Variants in DPY19L4 observed in about 807,000 individuals in gnomAD.
DPY19L4 encodes probable C-mannosyltransferase DPY19L4.
DPY19L4 carries 97 observed loss-of-function variants against 102.8 expected under a neutral mutation model. The observed-to-expected ratio is 0.94, with a 90% CI of 0.80 to 1.12. DPY19L4 has a LOEUF of 1.12. Ranked by LOEUF, DPY19L4 falls within the 50% of genes most tolerant of loss-of-function variation. DPY19L4 has a pLI of 0.00. For synonymous variants in DPY19L4, 252 were observed against 283.1 expected (o/e 0.89, Z 1.10); for missense variants, 815 against 850.4 (o/e 0.96, Z 0.52).
intron 6 of DPY19L4, chr8:94,745,187 A>G (rs1266144085): frequency 6.5e-6 from 1 of 153,086 alleles, no homozygotes; most frequent in African/African-American, 2.4e-5. Flanking sequence ...TAAAAGGTGT[A>G]GGTATACTAG....
chr8:94,773,525 A>C lies in DPY19L4; in HGVS notation c.1454+2954A>C, dbSNP rs550256552. Among the ~76,000 whole-genome samples, 7 of 151,962 alleles carry C rather than the reference A, an allele frequency of 4.6e-5. No individual in the cohort carries two copies. The South Asian group carries it at 1.5e-3, about 32-fold the overall frequency. ...TGGCTCACTGCAACCTCTGCCTCCC[A>C]GTTCAAGCGATTCTCCTGCCTCAGC... On this transcript the variant is annotated intron_variant, in intron 13 of 18. Transcript: ENST00000414645.
chr8:94,757,795 T>C (rs1433571044), intron 7 of DPY19L4, among the ~76,000 whole-genome samples: 1 of 152,176 alleles, frequency 6.6e-6, no homozygotes, highest in African/African-American at 2.4e-5. Flanking sequence ...AGAATAGTTT[T>C]TCAATTGTTA....
intron 2 of DPY19L4, among the ~76,000 whole-genome samples, chr8:94,732,378 T>A (rs1328061200): frequency 6.6e-6 from 1 of 152,114 alleles, no homozygotes; most frequent in Non-Finnish European, 1.5e-5. Flanking sequence ...AATCCAAATG[T>A]GTCTTATGTT....
intron 6 of DPY19L4, among the ~76,000 whole-genome samples, chr8:94,744,013 AT>A (rs1177533732): frequency 6.6e-6 from 1 of 152,228 alleles, no homozygotes; most frequent in Non-Finnish European, 1.5e-5. Context: ...TTCAAAATAA[AT>A]AAAAATAAAA....
chr8:94,784,786 C>G (rs1437899555), intron 17 of DPY19L4, among the ~76,000 whole-genome samples: 1 of 152,134 alleles, frequency 6.6e-6, no homozygotes, highest in Non-Finnish European at 1.5e-5. Context: ...TACATTTTGT[C>G]TTTCTCAGCT....
At chr8:94,779,031 C>T (rs972454975) in intron 14 of DPY19L4, among the ~76,000 whole-genome samples, 3 of 152,084 alleles carry the variant, frequency 2.0e-5, no homozygotes. Context: ...GTCAGACTTA[C>T]ATTTTCTATT....
intron 12 of DPY19L4, among the ~76,000 whole-genome samples, chr8:94,769,349 AC>A (rs1237880976): frequency 2.0e-5 from 3 of 152,176 alleles, no homozygotes; most frequent in Non-Finnish European, 4.4e-5. Flanking sequence ...GGTGTGAGCC[AC>A]CATGCTCAGC....
At chr8:94,749,588 G>A (rs1811830018) in intron 6 of DPY19L4, among the ~76,000 whole-genome samples, 1 of 152,118 alleles carries the variant, frequency 6.6e-6, no homozygotes, top group Non-Finnish European at 1.5e-5. Context: ...TAGGGAGAAG[G>A]GAAAGAGGAC....
intron 6 of DPY19L4, among the ~76,000 whole-genome samples, chr8:94,752,400 A>G (rs532627254): frequency 6.6e-6 from 1 of 151,938 alleles, no homozygotes; most frequent in African/African-American, 2.4e-5. Context: ...ATCCTGGCCA[A>G]CATGGTGAAA....
chr8:94,732,050 C>T (rs998054338), intron 2 of DPY19L4, among the ~76,000 whole-genome samples: 1 of 152,060 alleles, frequency 6.6e-6, no homozygotes, highest in African/African-American at 2.4e-5. Context: ...GGATTACAGG[C>T]GTGAGCCACC....
Position 94,781,146 on chromosome 8 carries a change from G to A in DPY19L4, c.1695G>A (p.Val565=). The A allele has an allele frequency of 1.3e-6, 2 of 1,592,744 alleles. No homozygotes were observed. Among genetic ancestry groups the A allele is most frequent in the Non-Finnish European group, 1.7e-6 (2 of 1,174,084 alleles). Residue 565 remains valine (V), a synonymous_variant, in exon 16 of 19, where the codon GTG becomes GTA. Transcript: ENST00000414645. ...ELQEFYDPDT[V]ELMTWIKRQA... ...AGGAATTCTATGACCCAGATACAGT[G>A]GAACTTATGACCTGGATAAAGTAAG...
intron 13 of DPY19L4, among the ~76,000 whole-genome samples, chr8:94,774,174 G>A (rs1019613043): frequency 4.6e-5 from 7 of 151,502 alleles, no homozygotes; most frequent in Admixed American, 2.7e-4. Flanking sequence ...CTTCCAACTA[G>A]TTGGGACCAC....
intron 18 of DPY19L4, 125 bp from the exon 19 acceptor site, chr8:94,789,621 T>C: frequency 1.2e-6 from 1 of 827,252 alleles, no homozygotes; most frequent in Non-Finnish European, 1.8e-6. Flanking sequence ...AACAGTGAGA[T>C]GTTTTATAGA....
intron 18 of DPY19L4, 57 bp downstream of exon 18, chr8:94,788,109 A>G (rs1813737854): frequency 1.1e-6 from 1 of 947,084 alleles, no homozygotes; most frequent in Non-Finnish European, 1.4e-6. Context: ...TTTTTTTAGA[A>G]AAATGACTTT....
chr8:94,723,960 C>T (rs960440317), intron 1 of DPY19L4, among the ~76,000 whole-genome samples: 1 of 152,038 alleles, frequency 6.6e-6, no homozygotes, highest in Non-Finnish European at 1.5e-5. Context: ...AAAATCTATG[C>T]AAAATGTTTG....
intron 2 of DPY19L4, among the ~76,000 whole-genome samples, chr8:94,728,378 A>G (rs995987290): frequency 2.0e-5 from 3 of 152,186 alleles, no homozygotes; most frequent in African/African-American, 7.2e-5. Flanking sequence ...ATTGTTTTCC[A>G]GTTCATTGTT....
rs1563613253 is a variant in DPY19L4, at chr8:94,777,715, G to GT, written c.1505dup (p.Cys503MetfsTer59). The GT allele has an allele frequency of 6.2e-7, 1 of 1,614,068 alleles. No homozygotes were observed. Among genetic ancestry groups the GT allele is most frequent in the Non-Finnish European group, 8.5e-7 (1 of 1,179,998 alleles). On this transcript the variant is annotated frameshift_variant, in exon 14 of 19. Transcript: ENST00000414645. LOFTEE classifies it high-confidence loss of function. ...TGTGTGCATGTTAGCAGCATTTGGT[G>GT]TATGTTCTCCCGAACTTTGGATGAC...
At chr8:94,729,597 C>CAA (rs770975687) in intron 2 of DPY19L4, among the ~76,000 whole-genome samples, 11,230 of 30,878 alleles carry the variant, frequency 0.36, 3,179 homozygotes, top group Non-Finnish European at 0.41. Flanking sequence ...GATTCCATCT[C>CAA]AAAAAAAAAA....
Position 94,765,536 on chromosome 8 carries a change from A to C in DPY19L4, c.1003-175A>C, listed in dbSNP as rs1314631329. Among the ~76,000 whole-genome samples, 3 of 152,104 alleles carry C rather than the reference A, an allele frequency of 2.0e-5. No homozygotes were observed. In the East Asian group the frequency reaches 5.8e-4, roughly 29 times the overall value. On this transcript the variant is annotated intron_variant, in intron 9 of 18. Transcript: ENST00000414645. ...TTTTTAGTAGAGACTGGGTTTCACC[A>C]TTTTGGCCAGGCTGGTGTCAAACTC...
Sources: gnomAD v4.1 joint callset for allele counts (sites outside exome capture counted in the v4.1 genomes callset) on GRCh38, gnomAD v4.1.1 for gene constraint, MANE v1.5 for transcripts, NCBI Gene and HGNC (gene_info 2026-07-23, HGNC 2026-07-21) for gene names.